The following STK3 variants were observed in gnomAD, a reference collection of about 807,000 sequenced individuals.
STK3 encodes serine/threonine kinase 3.
A neutral mutation model predicts 58.0 loss-of-function variants in STK3; 41 were observed. That is an observed-to-expected ratio of 0.71 (90% CI 0.55 to 0.92). The LOEUF is 0.92. Among genes scored for constraint, STK3 ranks in the 40% least tolerant of loss-of-function variants. The pLI is 0.00. For synonymous variants in STK3, 170 were observed against 191.0 expected (o/e 0.89, Z 0.91); for missense variants, 479 against 602.7 (o/e 0.79, Z 2.15).
chr8:98,926,014 C>T (rs1296680090), intron 1 of STK3, among the ~76,000 whole-genome samples: 1 of 151,990 alleles, frequency 6.6e-6, no homozygotes, highest in Non-Finnish European at 1.5e-5. Context: ...GATGCAGATG[C>T]CAAAGAGGGG....
At chr8:98,655,045 G>C in intron 6 of STK3, among the ~76,000 whole-genome samples, 1 of 150,288 alleles carries the variant, frequency 6.7e-6, no homozygotes. Flanking sequence ...TAAGCCAAAA[G>C]AACAAAGCTG....
intron 4 of STK3, among the ~76,000 whole-genome samples, chr8:98,743,311 A>G (rs905325539): frequency 6.6e-6 from 1 of 152,132 alleles, no homozygotes; most frequent in Non-Finnish European, 1.5e-5. Context: ...AGCTGGAGGC[A>G]TCATACTACC....
At chr8:98,497,379 G>T (rs7011763) in intron 10 of STK3, among the ~76,000 whole-genome samples, 68,679 of 151,682 alleles carry the variant, frequency 0.45, 15,709 homozygotes, top group Admixed American at 0.55. Context: ...TTTGTGACCT[G>T]GAGCTACACA....
At chr8:98,739,023 G>A (rs1828914927) in intron 4 of STK3, among the ~76,000 whole-genome samples, 1 of 152,266 alleles carries the variant, frequency 6.6e-6, no homozygotes, top group Non-Finnish European at 1.5e-5. Flanking sequence ...CTGCAAGGCA[G>A]CGGCGAGGCT....
intron 9 of STK3, 101 bp from the exon 10 acceptor site, chr8:98,527,018 C>T: frequency 5.2e-6 from 5 of 959,646 alleles, no homozygotes; most frequent in Non-Finnish European, 7.2e-6. Flanking sequence ...AATAAATTTG[C>T]ACTGGTCAGA....
chr8:98,593,568 G>A (rs1563781533), intron 7 of STK3, among the ~76,000 whole-genome samples: 1 of 152,176 alleles, frequency 6.6e-6, no homozygotes, highest in Non-Finnish European at 1.5e-5. Flanking sequence ...TGTCAGATCA[G>A]CAGTGGTATT....
At chr8:98,529,851 T>C (rs1188297424) in intron 9 of STK3, among the ~76,000 whole-genome samples, 6 of 152,232 alleles carry the variant, frequency 3.9e-5, no homozygotes, top group African/African-American at 1.4e-4. Context: ...AACAGAATGG[T>C]GGTTGCTAGG....
chr8:98,554,957 GT>G (rs1319471608), intron 8 of STK3, among the ~76,000 whole-genome samples: 33 of 152,174 alleles, frequency 2.2e-4, no homozygotes, highest in Middle Eastern at 3.4e-3. Context: ...AGAAAAACAT[GT>G]TGATACTTCA....
intron 1 of STK3, among the ~76,000 whole-genome samples, chr8:98,793,056 C>T (rs927834315): frequency 7.2e-5 from 11 of 152,190 alleles, no homozygotes; most frequent in African/African-American, 2.4e-4. Flanking sequence ...GACTATTATT[C>T]TAAGTGAAGT....
At chr8:98,771,072 T>C (rs1215563627) in intron 2 of STK3, among the ~76,000 whole-genome samples, 1 of 152,218 alleles carries the variant, frequency 6.6e-6, no homozygotes, top group Non-Finnish European at 1.5e-5. Context: ...CAATGGCATT[T>C]AGTGCATTCA....
chr8:98,502,067 C>A (rs941626827), intron 10 of STK3, among the ~76,000 whole-genome samples: 1 of 152,216 alleles, frequency 6.6e-6, no homozygotes, highest in Non-Finnish European at 1.5e-5. Context: ...TGTTTGTGTC[C>A]TCTTTTATTT....
At chr8:98,901,334 T>TA (rs1250061830) in intron 1 of STK3, among the ~76,000 whole-genome samples, 1 of 152,252 alleles carries the variant, frequency 6.6e-6, no homozygotes, top group Admixed American at 6.5e-5. Context: ...TTATTAACTC[T>TA]AGCTATTCTT....
chr8:98,859,001 C>T (rs1836822963), intron 3 of STK3, among the ~76,000 whole-genome samples: 2 of 151,834 alleles, frequency 1.3e-5, no homozygotes, highest in African/African-American at 4.8e-5. Context: ...AAAGCCAACT[C>T]AGTGTCTATA....
rs2131517746 is a variant in STK3, at chr8:98,533,381, A to G, written c.1142-6464T>C. On this transcript the variant is annotated intron_variant, in intron 9 of 10. Transcript: ENST00000419617. ...ATCTCTGATTAAATGAATGATTACA[A>G]TACAATGTAAACATGTGAATAATAT... Among the ~76,000 whole-genome samples, 2 of 152,336 alleles carry G rather than the reference A, an allele frequency of 1.3e-5. 1 individual carries two copies. The highest frequency in any genetic ancestry group is 6.8e-3 in the Middle Eastern group (2 of 294).
At chr8:98,825,432 C>T in intron 1 of STK3, 83 bp downstream of exon 1, 3 of 1,265,078 alleles carry the variant, frequency 2.4e-6, no homozygotes, top group Non-Finnish European at 1.0e-6. Flanking sequence ...GGGAGAGGCT[C>T]GCAGCAGGGC....
chr8:98,428,039 C>T lies in STK3; in HGVS notation n.483+6088G>A, dbSNP rs778273053. 6.2e-7 allele frequency: 1 copy of T among 1,610,004 alleles called. No homozygotes were observed. The highest frequency in any genetic ancestry group is 8.5e-7 in the Non-Finnish European group (1 of 1,177,824). ...CTAACGTCGAGGACGGGGAGATCCG[C>T]ATCAATGTGGGCGGCTTCAAGAGGA... On this transcript the variant is annotated intron_variant and non_coding_transcript_variant, in intron 3 of 3. Coordinates refer to the STK3 transcript ENST00000517832. The surrounding 1 kb of genome is among the most constrained non-coding windows in gnomAD (Gnocchi z 6.7).
At position 98,403,164 on chromosome 8, in the gene STK3, C is replaced by A. The variant is rs115794159; in HGVS notation, n.484-1651G>T. Among the ~76,000 whole-genome samples the A allele has an allele frequency of 3.3e-3, 499 of 152,344 alleles. 2 individuals are homozygous for A. The highest frequency in any genetic ancestry group is 0.011 in the African/African-American group (441 of 41,578). ...AAGGTGGGCCTGCCTTGCAGGAGGT[C>A]CCCTTTGACTCCAGAGACTCAGACA... On this transcript the variant is annotated intron_variant and non_coding_transcript_variant, in intron 3 of 3. Coordinates refer to the STK3 transcript ENST00000517832.
intron 3 of STK3, chr8:98,412,884 A>G: frequency 4.0e-6 from 1 of 247,940 alleles, no homozygotes; most frequent in South Asian, 5.3e-5. Context: ...AATTAAGCTT[A>G]GTTACTAAAA....
chr8:98,819,504 C>T (rs1351461896), intron 1 of STK3, among the ~76,000 whole-genome samples: 2 of 152,174 alleles, frequency 1.3e-5, no homozygotes, highest in East Asian at 3.8e-4. Context: ...CAAGTTAATG[C>T]CACCCTAAAT....
Sources: gnomAD v4.1 joint callset for allele counts (sites outside exome capture counted in the v4.1 genomes callset) on GRCh38, gnomAD v4.1.1 for gene constraint, Gnocchi (gnomAD v3.1) non-coding constraint, MANE v1.5 for transcripts, NCBI Gene and HGNC (gene_info 2026-07-23, HGNC 2026-07-21) for gene names.